Variants in SH3RF3 observed in about 807,000 individuals in gnomAD.
The protein encoded by SH3RF3 is E3 ubiquitin-protein ligase SH3RF3.
Under a neutral mutation model 66.3 loss-of-function variants are expected in SH3RF3, and 29 were observed. The ratio of observed to expected loss-of-function variants is 0.44; its 90% CI spans 0.33 to 0.60. The LOEUF is 0.60. Ranked by LOEUF, SH3RF3 falls within the 20% of genes least tolerant of loss-of-function variation. The pLI is 0.04. For synonymous variants in SH3RF3, 583 were observed against 532.0 expected (o/e 1.10, Z -1.32); for missense variants, 1,194 against 1,190.9 (o/e 1.00, Z -0.04).
intron 1 of SH3RF3, among the ~76,000 whole-genome samples, chr2:109,293,679 C>T (rs542708906): frequency 1.3e-5 from 2 of 152,356 alleles, no homozygotes; most frequent in South Asian, 2.1e-4. Flanking sequence ...TGAGTTACAT[C>T]GGAAAGTGAG....
chr2:109,316,327 G>A (rs1386451064), intron 1 of SH3RF3, among the ~76,000 whole-genome samples: 1 of 152,186 alleles, frequency 6.6e-6, no homozygotes, highest in African/African-American at 2.4e-5. Context: ...GGGAGGACAT[G>A]TTGCCAGGTG....
chr2:109,372,375 T>G (rs550272985), intron 3 of SH3RF3, among the ~76,000 whole-genome samples: 1 of 152,340 alleles, frequency 6.6e-6, no homozygotes, highest in South Asian at 2.1e-4. Flanking sequence ...CGTGTGTGTC[T>G]GCCATTTGTC....
rs73955519 is a variant in SH3RF3 at position 109,315,123 on chromosome 2, A to G, written c.574-32551A>G. On this transcript the variant is annotated intron_variant, in intron 1 of 9. Transcript: ENST00000309415. The stretch of plus-strand genomic sequence containing the variant: ...CAGCACTGCTCCACAATAATGAAGA[A>G]AAAGGAAACCTGTTTTACTTTACTG... 8.1e-3 allele frequency among the ~76,000 whole-genome samples: 1,233 copies of G among 152,308 alleles called. 21 individuals are homozygous for G. The highest frequency in any genetic ancestry group is 0.028 in the African/African-American group (1,161 of 41,570).
intron 8 of SH3RF3, among the ~76,000 whole-genome samples, chr2:109,482,106 G>C (rs991670053): frequency 6.6e-6 from 1 of 152,208 alleles, no homozygotes; most frequent in Admixed American, 6.5e-5. Flanking sequence ...AGCAAGTCCC[G>C]GGTTCGAATG....
At chr2:109,195,284 C>T (rs1678469721) in intron 1 of SH3RF3, among the ~76,000 whole-genome samples, 2 of 152,128 alleles carry the variant, frequency 1.3e-5, no homozygotes, top group Non-Finnish European at 2.9e-5. Context: ...CAGGAGGGTC[C>T]CATAGCTAGG....
At position 109,398,935 on chromosome 2, in the gene SH3RF3, C is replaced by T; in HGVS notation, c.1291C>T (p.Pro431Ser). 1.2e-6 allele frequency: 2 copies of T among 1,611,150 alleles called. No homozygotes were observed. Among genetic ancestry groups the T allele is most frequent in the East Asian group, 2.2e-5 (1 of 44,848 alleles). Reference protein sequence around the residue: ...GDLAHLSCAAPTQDVSSSAGS... With the variant: ...GDLAHLSCAASTQDVSSSAGS... Reference sequence around the variant, plus strand: ...CCTTGCTCATCTGTCGTGCGCTGCTCCCACCCAGGTAACATCCCGCGGGCC... The same window carrying T: ...CCTTGCTCATCTGTCGTGCGCTGCTTCCACCCAGGTAACATCCCGCGGGCC... The change falls in exon 4 of 10, where the codon CCC becomes TCC. Residue 431 changes from proline (P) to serine (S), a missense_variant. Physicochemically the swap from Pro to Ser is moderately conservative, Grantham distance 74. Coordinates refer to ENST00000309415, the MANE Select transcript of SH3RF3 (RefSeq NM_001099289.3).
intron 5 of SH3RF3, among the ~76,000 whole-genome samples, chr2:109,431,212 T>A (rs1024381847): frequency 6.6e-6 from 1 of 152,212 alleles, no homozygotes; most frequent in Non-Finnish European, 1.5e-5. Context: ...AGATGCACTG[T>A]GTGCACAAGC....
At position 109,239,098 on chromosome 2, in the gene SH3RF3, C is replaced by T. The variant is rs140071654; in HGVS notation, c.574-108576C>T. On this transcript the variant is annotated intron_variant, in intron 1 of 9. Coordinates refer to ENST00000309415, the MANE Select transcript of SH3RF3 (RefSeq NM_001099289.3). ...CAAGATGGTTGTATACAGGAGAAGA[C>T]GTCCAAGACACGTCTTTTCCGAGTG... 1.1e-3 allele frequency among the ~76,000 whole-genome samples: 173 copies of T among 152,326 alleles called. 1 individual carries two copies. Among genetic ancestry groups the T allele is most frequent in the Middle Eastern group, 3.4e-3 (1 of 294 alleles).
chr2:109,470,205 A>T (rs1279861673), intron 8 of SH3RF3, among the ~76,000 whole-genome samples: 2 of 152,140 alleles, frequency 1.3e-5, no homozygotes, highest in Non-Finnish European at 2.9e-5. Context: ...TCACTACGTA[A>T]AGAGATGAGA....
chr2:109,364,266 C>T (rs191973778), intron 2 of SH3RF3, among the ~76,000 whole-genome samples: 1 of 152,096 alleles, frequency 6.6e-6, no homozygotes, highest in East Asian at 1.9e-4. Context: ...GTCCAGTCTC[C>T]TAATAAGCAC....
chr2:109,166,366 A>C (rs1677621474), intron 1 of SH3RF3, among the ~76,000 whole-genome samples: 1 of 150,906 alleles, frequency 6.6e-6, no homozygotes, highest in African/African-American at 2.4e-5. Context: ...AGTCCCAGCT[A>C]CTTGGGAGGC....
intron 7 of SH3RF3, among the ~76,000 whole-genome samples, chr2:109,446,864 G>A (rs1203934739): frequency 6.6e-6 from 1 of 152,156 alleles, no homozygotes; most frequent in Non-Finnish European, 1.5e-5. Context: ...CAGGGGCACA[G>A]ACCCTGGTGC....
Position 109,159,826 on chromosome 2 carries a change from G to T in SH3RF3, c.573+29713G>T, listed in dbSNP as rs115739507. On this transcript the variant is annotated intron_variant, in intron 1 of 9. Transcript: ENST00000309415. ...TTCACACTCCTTATGAGAATCTAACGCCTCATGATCTGTCACTGTCTTCCG... is the reference window on the plus strand; with the variant it reads ...TTCACACTCCTTATGAGAATCTAACTCCTCATGATCTGTCACTGTCTTCCG... Among the ~76,000 whole-genome samples, 1,504 of 152,308 alleles carry T rather than the reference G, an allele frequency of 9.9e-3. 21 individuals carry two copies. Among genetic ancestry groups the T allele is most frequent in the African/African-American group, 0.034 (1,431 of 41,540 alleles).
chr2:109,467,627 T>C (rs1302933767), intron 8 of SH3RF3, among the ~76,000 whole-genome samples: 2 of 152,224 alleles, frequency 1.3e-5, no homozygotes, highest in African/African-American at 2.4e-5. Flanking sequence ...AAGACAGCAC[T>C]TTATTTTTAA....
intron 1 of SH3RF3, among the ~76,000 whole-genome samples, chr2:109,270,272 G>T (rs1680593901): frequency 1.3e-5 from 2 of 152,184 alleles, no homozygotes. Context: ...GTAACCTTAA[G>T]GCGAGTCTGT....
chr2:109,133,474 A>G (rs1676743863), intron 1 of SH3RF3, among the ~76,000 whole-genome samples: 1 of 152,208 alleles, frequency 6.6e-6, no homozygotes, highest in South Asian at 2.1e-4. Flanking sequence ...TTGAGTACAG[A>G]GCTGAGGACC....
At chr2:109,420,232 T>A (rs573112577) in intron 5 of SH3RF3, among the ~76,000 whole-genome samples, 1 of 152,350 alleles carries the variant, frequency 6.6e-6, no homozygotes, top group African/African-American at 2.4e-5. Flanking sequence ...CCCATTTAAA[T>A]CATGCTCTGA....
intron 3 of SH3RF3, among the ~76,000 whole-genome samples, chr2:109,394,859 C>T (rs968485504): frequency 6.6e-6 from 1 of 152,198 alleles, no homozygotes; most frequent in African/African-American, 2.4e-5. Flanking sequence ...GACGAGTCTG[C>T]ACCAACTTGC....
chr2:109,484,428 C>T (rs1015140868), intron 8 of SH3RF3, among the ~76,000 whole-genome samples: 7 of 152,234 alleles, frequency 4.6e-5, no homozygotes, highest in Middle Eastern at 3.4e-3. Context: ...CACTCTGGCC[C>T]GCACCTGCTT....
Sources: gnomAD v4.1 joint callset for allele counts (sites outside exome capture counted in the v4.1 genomes callset) on GRCh38, gnomAD v4.1.1 for gene constraint, MANE v1.5 for transcripts, NCBI Gene and HGNC (gene_info 2026-07-23, HGNC 2026-07-21) for gene names.